Variants in PPP1R16B observed in about 807,000 individuals in gnomAD.
The protein encoded by PPP1R16B is protein phosphatase 1 regulatory subunit 16B.
Under a neutral mutation model 61.7 loss-of-function variants are expected in PPP1R16B, and 14 were observed. The ratio of observed to expected loss-of-function variants is 0.23; its 90% CI spans 0.15 to 0.35. PPP1R16B has a LOEUF of 0.35. Ranked by LOEUF, PPP1R16B falls within the 10% of genes least tolerant of loss-of-function variation. The probability of loss-of-function intolerance (pLI) is 1.00; values close to 1 mark genes in which losing one functional copy is unlikely to be tolerated. For missense variants in PPP1R16B, 547 were observed against 752.5 expected (o/e 0.73, Z 3.19); for synonymous variants, 266 against 305.3 (o/e 0.87, Z 1.34).
At chr20:38,846,265 T>A (rs557190521) in intron 2 of PPP1R16B, among the ~76,000 whole-genome samples, 1 of 152,246 alleles carries the variant, frequency 6.6e-6, no homozygotes, top group South Asian at 2.1e-4. Context: ...GTCATCAGCA[T>A]GATACAAGTG....
intron 2 of PPP1R16B, among the ~76,000 whole-genome samples, chr20:38,874,524 A>G (rs1377857769): frequency 2.0e-5 from 3 of 152,166 alleles, no homozygotes; most frequent in African/African-American, 7.2e-5. Context: ...CTGAACCACT[A>G]CACGTGTGTC....
intron 10 of PPP1R16B, among the ~76,000 whole-genome samples, chr20:38,916,529 A>G (rs1023483676): frequency 1.3e-5 from 2 of 151,844 alleles, no homozygotes; most frequent in Non-Finnish European, 2.9e-5. Context: ...AGAGCATGCC[A>G]ATAGAAGTAC....
chr20:38,908,808 G>A (rs117787904), intron 10 of PPP1R16B, among the ~76,000 whole-genome samples: 118 of 152,290 alleles, frequency 7.7e-4, no homozygotes, highest in Non-Finnish European at 1.4e-3. Flanking sequence ...CTGAAGGCCA[G>A]AAGTCTAAAA....
chr20:38,913,508 G>A lies in PPP1R16B; in HGVS notation c.1195-4649G>A, dbSNP rs562529339. Among the ~76,000 whole-genome samples the A allele has an allele frequency of 1.2e-4, 18 of 152,262 alleles. No individual in the cohort carries two copies. The South Asian group carries it at 1.7e-3, about 14-fold the overall frequency. ...AATCCCTTGACCTTGTGATCCACCC[G>A]CCTCGACCTCCCAAAGTGCTGGGAT... On this transcript the variant is annotated intron_variant, in intron 10 of 10. Coordinates refer to ENST00000299824, the MANE Select transcript of PPP1R16B (RefSeq NM_015568.4).
intron 6 of PPP1R16B, among the ~76,000 whole-genome samples, chr20:38,903,889 T>TA (rs1438359700): frequency 1.3e-5 from 2 of 152,206 alleles, no homozygotes; most frequent in Non-Finnish European, 2.9e-5. Flanking sequence ...AGCATGGCTA[T>TA]GGCAGCCTAC....
chr20:38,817,391 T>C (rs1167988489), intron 1 of PPP1R16B, among the ~76,000 whole-genome samples: 1 of 151,858 alleles, frequency 6.6e-6, no homozygotes, highest in Non-Finnish European at 1.5e-5. Context: ...GGTGAAACCC[T>C]GTCTCTACTA....
Position 38,921,456 on chromosome 20 carries a change from C to G in PPP1R16B, c.*2790C>G, listed in dbSNP as rs2085597291. ...GACCACAGGCATCAGCAGTCCCATT[C>G]AAGTCACCTGAGGCAAAGTGTCTGC... On this transcript the variant is annotated 3_prime_UTR_variant, in exon 11 of 11. Transcript: ENST00000299824. 6.6e-6 allele frequency: 1 copy of G among 152,264 alleles called. No homozygotes were observed. Among genetic ancestry groups the G allele is most frequent in the Admixed American group, 6.5e-5 (1 of 15,292 alleles). 9.4% of individuals were successfully genotyped at this position (152,264 alleles called of 1,614,324 possible).
intron 6 of PPP1R16B, among the ~76,000 whole-genome samples, chr20:38,905,102 T>C (rs2085428972): frequency 6.6e-6 from 1 of 152,234 alleles, no homozygotes; most frequent in African/African-American, 2.4e-5. Flanking sequence ...ATGTATTATC[T>C]ATTGCTGCAT....
chr20:38,845,874 A>G (rs1027264398), intron 2 of PPP1R16B, among the ~76,000 whole-genome samples: 2 of 152,176 alleles, frequency 1.3e-5, no homozygotes, highest in African/African-American at 2.4e-5. Flanking sequence ...GTAGCAATCT[A>G]TTTTCGCAGG....
At chr20:38,810,719 T>C (rs1430731405) in intron 1 of PPP1R16B, among the ~76,000 whole-genome samples, 1 of 152,166 alleles carries the variant, frequency 6.6e-6, no homozygotes, top group African/African-American at 2.4e-5. Context: ...TTTACTTGCA[T>C]CGCCATTGAA....
intron 2 of PPP1R16B, among the ~76,000 whole-genome samples, chr20:38,888,766 A>G (rs2085266013): frequency 6.6e-6 from 1 of 151,730 alleles, no homozygotes; most frequent in South Asian, 2.1e-4. Context: ...TGGGCAGAGG[A>G]GGAGGGAGGA....
chr20:38,875,280 C>A (rs190673536), intron 2 of PPP1R16B, among the ~76,000 whole-genome samples: 1 of 152,194 alleles, frequency 6.6e-6, no homozygotes, highest in Non-Finnish European at 1.5e-5. Flanking sequence ...TGCTCCCCTC[C>A]GGGCCCAGCC....
chr20:38,880,216 G>A (rs1005188000), intron 2 of PPP1R16B, among the ~76,000 whole-genome samples: 13 of 152,156 alleles, frequency 8.5e-5, no homozygotes, highest in African/African-American at 2.7e-4. Flanking sequence ...CTATAAAATA[G>A]TGTTAAGTCT....
chr20:38,806,441 C>T lies in PPP1R16B; in HGVS notation c.-102+649C>T, dbSNP rs1752187988. Among the ~76,000 whole-genome samples, 1 of 152,052 alleles carries T rather than the reference C, an allele frequency of 6.6e-6. No individual in the cohort carries two copies. The highest frequency in any genetic ancestry group is 1.5e-5 in the Non-Finnish European group (1 of 67,970). ...CCCGGGAGGGGCGCGCCCGGCCTCTCCCAGGGCCCCGTGCGCCGGCGGCTG... is the reference window on the plus strand; with the variant it reads ...CCCGGGAGGGGCGCGCCCGGCCTCTTCCAGGGCCCCGTGCGCCGGCGGCTG... On this transcript the variant is annotated intron_variant, in intron 1 of 10. Coordinates refer to ENST00000299824, the MANE Select transcript of PPP1R16B (RefSeq NM_015568.4). This position sits in a 1 kb window ranked among gnomAD's most constrained non-coding sequence, Gnocchi z 4.5.
At chr20:38,906,574 A>G (rs566809587) in intron 7 of PPP1R16B, among the ~76,000 whole-genome samples, 120 of 152,254 alleles carry the variant, frequency 7.9e-4, no homozygotes, top group Admixed American at 2.7e-3. Context: ...GGATGCCACC[A>G]TGCCTGGCTG....
Position 38,900,607 on chromosome 20 carries a change from C to T in PPP1R16B, c.494C>T (p.Ser165Leu), listed in dbSNP as rs774280648. The change falls in exon 5 of 11, where the codon TCG (serine) becomes TTG (leucine). Residue 165 changes from serine to leucine, a missense_variant. Ser to Leu is a moderately radical substitution (Grantham distance 145). Coordinates refer to ENST00000299824, the MANE Select transcript of PPP1R16B (RefSeq NM_015568.4). Reference protein sequence around the residue: ...QYGADLLAVNSDGNMPYDLCE... With the variant: ...QYGADLLAVNLDGNMPYDLCE... ...GGGGCCGACTTGCTTGCTGTCAACT[C>T]GGATGGGAACATGCCATATGACCTC... The T allele has an allele frequency of 6.9e-6, 11 of 1,601,460 alleles. No individual in the cohort carries two copies. The South Asian group carries it at 7.9e-5, about 12-fold the overall frequency.
rs145967035 is a variant in PPP1R16B, at chr20:38,832,223, G to C, written c.-101-3602G>C. Among the ~76,000 whole-genome samples the C allele has an allele frequency of 1.7e-3, 261 of 152,266 alleles. 2 individuals are homozygous for C. Among genetic ancestry groups the C allele is most frequent in the African/African-American group, 5.9e-3 (247 of 41,546 alleles). ...TGGAAAATGGGCATGATAGTACCTA[G>C]TACTACTATTTTATTAGGTTACTGG... On this transcript the variant is annotated intron_variant, in intron 1 of 10. Transcript: ENST00000299824.
At chr20:38,893,066 A>C (rs113034350) in intron 3 of PPP1R16B, among the ~76,000 whole-genome samples, 3,455 of 152,228 alleles carry the variant, frequency 0.023, 41 homozygotes, top group Middle Eastern at 0.075. Flanking sequence ...CAGTTTCCCC[A>C]TCTATAAAAG....
intron 2 of PPP1R16B, among the ~76,000 whole-genome samples, chr20:38,888,684 G>C (rs2085265271): frequency 6.6e-6 from 1 of 152,124 alleles, no homozygotes; most frequent in Non-Finnish European, 1.5e-5. Flanking sequence ...GGCCTGCAGG[G>C]CTGGTGGGTG....
Sources: allele counts gnomAD v4.1 joint callset (sites outside exome capture counted in the v4.1 genomes callset), GRCh38; gene constraint gnomAD v4.1.1; non-coding constraint Gnocchi (gnomAD v3.1); transcripts MANE v1.5; gene names NCBI Gene and HGNC (gene_info 2026-07-23, HGNC 2026-07-21).